The following LRMDA variants were observed in gnomAD, a reference collection of about 807,000 sequenced individuals.
LRMDA encodes leucine rich melanocyte differentiation associated.
Under a neutral mutation model 29.8 loss-of-function variants are expected in LRMDA, and 18 were observed. The observed-to-expected ratio is 0.60, with a 90% CI of 0.42 to 0.90. LRMDA has a LOEUF of 0.90. LRMDA is among the 40% of genes least tolerant of loss of function. The pLI is 0.00. For missense variants in LRMDA, 273 were observed against 273.9 expected (o/e 1.00, Z 0.02); for synonymous variants, 125 against 109.4 (o/e 1.14, Z -0.89).
chr10:75,685,801 G>A (rs964122880), intron 2 of LRMDA, among the ~76,000 whole-genome samples: 1 of 152,082 alleles, frequency 6.6e-6, no homozygotes, highest in Non-Finnish European at 1.5e-5. Context: ...TGTGAGTATG[G>A]GATATGGAAA....
intron 5 of LRMDA, among the ~76,000 whole-genome samples, chr10:76,149,915 G>A (rs1411866777): frequency 6.6e-6 from 1 of 152,172 alleles, no homozygotes; most frequent in African/African-American, 2.4e-5. Flanking sequence ...TGGGCACCTG[G>A]TTGATGAGGG....
At chr10:76,058,300 G>T (rs1372560124) in intron 4 of LRMDA, among the ~76,000 whole-genome samples, 1 of 152,156 alleles carries the variant, frequency 6.6e-6, no homozygotes, top group Non-Finnish European at 1.5e-5. Context: ...TCAATTTATA[G>T]GTTTATTTTA....
At chr10:75,851,590 C>A (rs1368568501) in intron 2 of LRMDA, among the ~76,000 whole-genome samples, 1 of 152,164 alleles carries the variant, frequency 6.6e-6, no homozygotes, top group Non-Finnish European at 1.5e-5. Flanking sequence ...CTAAATAATG[C>A]AGTGAACCCT....
At chr10:76,523,560 G>A (rs1157728407) in intron 6 of LRMDA, among the ~76,000 whole-genome samples, 2 of 151,992 alleles carry the variant, frequency 1.3e-5, no homozygotes, top group Non-Finnish European at 2.9e-5. Flanking sequence ...TCTGCCACTT[G>A]CTGGAGTTTT....
intron 2 of LRMDA, among the ~76,000 whole-genome samples, chr10:75,674,397 A>T (rs1841936595): frequency 6.6e-6 from 1 of 152,182 alleles, no homozygotes; most frequent in African/African-American, 2.4e-5. Flanking sequence ...CATGTTTGAA[A>T]GCTCCAATTT....
chr10:76,153,022 G>T (rs1200952824), intron 5 of LRMDA, among the ~76,000 whole-genome samples: 1 of 152,038 alleles, frequency 6.6e-6, no homozygotes, highest in Non-Finnish European at 1.5e-5. Context: ...TGTATTTTTA[G>T]TAGAGACGGG....
intron 2 of LRMDA, among the ~76,000 whole-genome samples, chr10:75,578,253 T>G (rs1241499332): frequency 3.1e-5 from 3 of 97,688 alleles, no homozygotes; most frequent in Non-Finnish European, 6.6e-5. Context: ...GCAGTTGCAA[T>G]TGAGTCTCTG....
At chr10:75,878,050 C>T (rs181464550) in intron 2 of LRMDA, among the ~76,000 whole-genome samples, 2 of 152,266 alleles carry the variant, frequency 1.3e-5, no homozygotes, top group East Asian at 1.9e-4. Flanking sequence ...TGGACTCCGA[C>T]CCCACAGCAG....
chr10:75,837,776 A>G (rs1844466424), intron 2 of LRMDA, among the ~76,000 whole-genome samples: 1 of 152,128 alleles, frequency 6.6e-6, no homozygotes, highest in Non-Finnish European at 1.5e-5. Context: ...AAAAAATTCC[A>G]AGGCTCCTTG....
At chr10:75,855,358 A>C (rs1233665256) in intron 2 of LRMDA, among the ~76,000 whole-genome samples, 1 of 152,146 alleles carries the variant, frequency 6.6e-6, no homozygotes, top group African/African-American at 2.4e-5. Context: ...TGGCTGCATA[A>C]ATGTCTTCTT....
intron 2 of LRMDA, among the ~76,000 whole-genome samples, chr10:75,947,390 C>G (rs1282029428): frequency 6.6e-6 from 1 of 152,132 alleles, no homozygotes; most frequent in African/African-American, 2.4e-5. Flanking sequence ...GTCTGTTTCC[C>G]CATGCTAGTT....
intron 2 of LRMDA, among the ~76,000 whole-genome samples, chr10:75,897,005 G>A (rs960106604): frequency 6.6e-6 from 1 of 152,104 alleles, no homozygotes; most frequent in Admixed American, 6.5e-5. Context: ...GTAATTTTGT[G>A]TCAGGCTTCT....
At chr10:76,443,714 A>G in intron 6 of LRMDA, among the ~76,000 whole-genome samples, 1 of 152,206 alleles carries the variant, frequency 6.6e-6, no homozygotes, top group East Asian at 1.9e-4. Flanking sequence ...ACCACCAGCT[A>G]TATAGATTTG....
intron 1 of LRMDA, among the ~76,000 whole-genome samples, chr10:75,437,958 A>C (rs183517203): frequency 6.6e-6 from 1 of 152,146 alleles, no homozygotes; most frequent in Non-Finnish European, 1.5e-5. Flanking sequence ...TGGTAAGTGC[A>C]TCTGCTGTGT....
intron 2 of LRMDA, among the ~76,000 whole-genome samples, chr10:75,554,406 T>C (rs1034406823): frequency 6.6e-6 from 1 of 152,214 alleles, no homozygotes; most frequent in South Asian, 2.1e-4. Flanking sequence ...ATAGTCACTG[T>C]ACATAGCTGT....
At chr10:76,476,369 A>T (rs772890552) in intron 6 of LRMDA, among the ~76,000 whole-genome samples, 13 of 152,186 alleles carry the variant, frequency 8.5e-5, no homozygotes, top group Non-Finnish European at 1.8e-4. Context: ...AAATCACTTA[A>T]TAGACCAAAA....
intron 2 of LRMDA, among the ~76,000 whole-genome samples, chr10:75,567,855 C>T (rs1224635890): frequency 1.3e-5 from 2 of 152,070 alleles, no homozygotes. Context: ...GCACTTGGGC[C>T]CACTTTGCTT....
At chr10:75,613,116 A>ATTT (rs5786181) in intron 2 of LRMDA, among the ~76,000 whole-genome samples, 4 of 148,700 alleles carry the variant, frequency 2.7e-5, no homozygotes, top group African/African-American at 4.9e-5. Context: ...AACCTTGCCA[A>ATTT]TTTTTTTTTT....
rs58604668 is a variant in LRMDA, at chr10:75,901,309, C to CTT, written c.132-134687_132-134686dup. 1.6e-3 allele frequency among the ~76,000 whole-genome samples: 227 copies of CTT among 144,998 alleles called. 1 individual carries two copies. Among genetic ancestry groups the CTT allele is most frequent in the African/African-American group, 5.2e-3 (207 of 39,744 alleles). ...GATTTCACTCATGCCTTAATGACACCTTTTTTTTTTTTTAAGAAAGCTAAT... is the reference window on the plus strand; with the variant it reads ...GATTTCACTCATGCCTTAATGACACCTTTTTTTTTTTTTTTAAGAAAGCTAAT... On this transcript the variant is annotated intron_variant, in intron 2 of 6. Coordinates refer to ENST00000611255, the MANE Select transcript of LRMDA (RefSeq NM_001305581.2).
Sources: gnomAD v4.1 joint callset for allele counts (sites outside exome capture counted in the v4.1 genomes callset) on GRCh38, gnomAD v4.1.1 for gene constraint, MANE v1.5 for transcripts, NCBI Gene and HGNC (gene_info 2026-07-23, HGNC 2026-07-21) for gene names.